Variants in SFRP2 observed in about 807,000 individuals in gnomAD.
SFRP2 encodes the protein secreted frizzled-related protein 2.
Under a neutral mutation model 26.0 loss-of-function variants are expected in SFRP2, and 16 were observed. The ratio of observed to expected loss-of-function variants is 0.61; its 90% CI spans 0.42 to 0.93. The LOEUF (loss-of-function observed/expected upper bound fraction) is 0.93. SFRP2 is among the 40% of genes least tolerant of loss of function. SFRP2 has a pLI of 0.00. For missense variants in SFRP2, 343 were observed against 392.4 expected, an observed-to-expected ratio of 0.87 and a Z score of 1.06; for synonymous variants, 173 against 167.3, an observed-to-expected ratio of 1.03 and a Z score of -0.26.
rs774907975 is a variant in SFRP2 at position 153,788,863 on chromosome 4, A to T, written c.-28T>A. On this transcript the variant is annotated 5_prime_UTR_variant, in exon 1 of 3. Transcript: ENST00000274063. ...TGGGCGCGCGACCCCGAGGGGGCAG[A>T]GGGAGCGGAGCCGGGGAAGGGCGAG... 3 of 1,547,596 alleles carry T rather than the reference A, an allele frequency of 1.9e-6. No individual in the cohort carries two copies. The highest frequency in any genetic ancestry group is 2.6e-6 in the Non-Finnish European group (3 of 1,153,976).
At chr4:153,786,444 T>C (rs1741210743) in intron 1 of SFRP2, among the ~76,000 whole-genome samples, 1 of 152,062 alleles carries the variant, frequency 6.6e-6, no homozygotes, top group Non-Finnish European at 1.5e-5. Context: ...ACCAGTGTAG[T>C]TGGCTCTACT....
chr4:153,788,823 G>T lies in SFRP2; in HGVS notation c.13C>A (p.Pro5Thr). MLQG[P>T]GSLLLLFLAS... The stretch of plus-strand genomic sequence containing the variant: ...AGGAAGAGCAGCAGCAGCGAGCCAG[G>T]GCCCTGCAGCATCGTGGGCGCGCGA... The change falls in exon 1 of 3, where the codon CCT (proline) becomes ACT (threonine). Residue 5 changes from proline to threonine, a missense_variant. Pro to Thr is a conservative substitution (Grantham distance 38). Coordinates refer to ENST00000274063, the MANE Select transcript of SFRP2 (RefSeq NM_003013.3). The T allele has an allele frequency of 6.3e-7, 1 of 1,596,070 alleles. No individual in the cohort carries two copies. Among genetic ancestry groups the T allele is most frequent in the Non-Finnish European group, 8.5e-7 (1 of 1,176,988 alleles).
chr4:153,781,694 C>T lies in SFRP2; in HGVS notation c.645G>A (p.Glu215=). 1 of 1,614,098 alleles carries T rather than the reference C, an allele frequency of 6.2e-7. No homozygotes were observed. Residue 215 remains glutamate, a synonymous_variant, in exon 3 of 3, where the codon GAG becomes GAA. Coordinates refer to ENST00000274063, the MANE Select transcript of SFRP2 (RefSeq NM_003013.3). Reference sequence around the variant, plus strand: ...GCTTGTAAATGGTCTTGCTCTTGGTCTCCAGGATGATTTTGGTATCTCGGT... The same window carrying T: ...GCTTGTAAATGGTCTTGCTCTTGGTTTCCAGGATGATTTTGGTATCTCGGT... ...YINRDTKIIL[E]TKSKTIYKLN... is the part of the protein sequence containing the mutation.
chr4:153,784,842 A>C (rs1741176188), intron 2 of SFRP2, among the ~76,000 whole-genome samples: 1 of 152,216 alleles, frequency 6.6e-6, no homozygotes, highest in African/African-American at 2.4e-5. Flanking sequence ...TAATTCCAAC[A>C]CACCAAAAGG....
At position 153,781,279 on chromosome 4, in the gene SFRP2, T is replaced by A; in HGVS notation, c.*172A>T. ...AAAACAGCTATCCACTCCTGTGGCC[T>A]TATAACTCAGGAAATGCTGGGGATG... is the stretch of plus-strand genomic sequence containing the variant. On this transcript the variant is annotated 3_prime_UTR_variant, in exon 3 of 3. Coordinates refer to ENST00000274063, the MANE Select transcript of SFRP2 (RefSeq NM_003013.3). 1 of 615,094 alleles carries A rather than the reference T, an allele frequency of 1.6e-6. No homozygotes were observed. The highest frequency in any genetic ancestry group is 1.8e-5 in the African/African-American group (1 of 54,382). 38.1% of individuals were successfully genotyped at this position (615,094 alleles called of 1,614,324 possible).
At chr4:153,783,873 AAG>A (rs1741159189) in intron 2 of SFRP2, among the ~76,000 whole-genome samples, 2 of 152,198 alleles carry the variant, frequency 1.3e-5, no homozygotes, top group Admixed American at 6.5e-5. Context: ...ATGGGTCAAA[AAG>A]AGTGAAGAAA....
In SFRP2 at chr4:153,781,775, G is replaced by C. The variant is rs201939231; in HGVS notation, c.584-20C>G. 60 of 1,603,562 alleles carry C rather than the reference G, an allele frequency of 3.7e-5. No individual in the cohort carries two copies. Among genetic ancestry groups the C allele is most frequent in the East Asian group, 8.9e-5 (4 of 44,800 alleles). ...TCAGTGCTATGAGGGAGGGCAGAAA[G>C]AGTCATGCCAGTTATAATGAGGGAA... On this transcript the variant is annotated intron_variant, in intron 2 of 2. Coordinates refer to ENST00000274063, the MANE Select transcript of SFRP2 (RefSeq NM_003013.3).
chr4:153,783,298 T>C (rs528916536), intron 2 of SFRP2, among the ~76,000 whole-genome samples: 26 of 152,326 alleles, frequency 1.7e-4, no homozygotes, highest in Non-Finnish European at 3.1e-4. Flanking sequence ...TTGTCTGTAG[T>C]ACAGGTAGGG....
chr4:153,785,554 C>CAAAAAAAAAAA lies in SFRP2; in HGVS notation c.583+299_583+309dup, dbSNP rs369450385. ...TAGAACTCGGGATTATGCCTGTCGG[C>CAAAAAAAAAAA]AAAAAAAAAAAAAAAAAAAAAGGGA... On this transcript the variant is annotated intron_variant, in intron 2 of 2. Coordinates refer to ENST00000274063, the MANE Select transcript of SFRP2 (RefSeq NM_003013.3). Among the ~76,000 whole-genome samples the CAAAAAAAAAAA allele has an allele frequency of 1.1e-4, 5 of 46,468 alleles. 1 individual carries two copies. The highest frequency in any genetic ancestry group is 1.5e-4 in the Non-Finnish European group (4 of 25,866). 30.5% of individuals were successfully genotyped at this position (46,468 alleles called of 152,430 possible).
In SFRP2 at chr4:153,788,816, G is replaced by C. The variant is rs762120819; in HGVS notation, c.20C>G (p.Ser7Trp). 5 of 1,598,984 alleles carry C rather than the reference G, an allele frequency of 3.1e-6. No individual in the cohort carries two copies. The highest frequency in any genetic ancestry group is 2.2e-5 in the East Asian group (1 of 44,750). The change falls in exon 1 of 3, where the codon TCG (serine) becomes TGG (tryptophan). Residue 7 changes from serine (S) to tryptophan (W), a missense_variant. Physicochemically the swap from Ser to Trp is radical, Grantham distance 177. Transcript: ENST00000274063. MLQGPG[S>W]LLLLFLASHC... ...CGAGGCGAGGAAGAGCAGCAGCAGC[G>C]AGCCAGGGCCCTGCAGCATCGTGGG...
chr4:153,789,030 G>A lies in SFRP2; in HGVS notation c.-195C>T, dbSNP rs931227779. 6 of 542,018 alleles carry A rather than the reference G, an allele frequency of 1.1e-5. No individual in the cohort carries two copies. The highest frequency in any genetic ancestry group is 1.0e-4 in the African/African-American group (5 of 48,594). The allele number at this position is 542,018 out of a possible 1,614,324, so 33.6% of individuals were successfully genotyped here. ...CGCGGGCGAGGCGCTGCAAGCCCGC[G>A]CGCAGCTCCGGGGGGCTCCGACCCG... is the stretch of plus-strand genomic sequence containing the variant. On this transcript the variant is annotated 5_prime_UTR_variant, in exon 1 of 3. Transcript: ENST00000274063.
At chr4:153,787,381 A>G (rs562986187) in intron 1 of SFRP2, among the ~76,000 whole-genome samples, 1 of 152,236 alleles carries the variant, frequency 6.6e-6, no homozygotes, top group Non-Finnish European at 1.5e-5. Flanking sequence ...GCTTTAACTA[A>G]TGATGTCTGT....
intron 2 of SFRP2, among the ~76,000 whole-genome samples, chr4:153,785,590 G>A (rs1741191427): frequency 1.1e-5 from 1 of 89,418 alleles, no homozygotes; most frequent in African/African-American, 4.1e-5. Context: ...TTTAAAATGT[G>A]CCACTGGAAA....
intron 2 of SFRP2, among the ~76,000 whole-genome samples, chr4:153,782,415 G>A (rs927033467): frequency 2.6e-5 from 4 of 152,140 alleles, no homozygotes; most frequent in African/African-American, 9.7e-5. Context: ...CCAGTCCAAG[G>A]CCAAGGCGTT....
chr4:153,783,573 C>T (rs1321068013), intron 2 of SFRP2, among the ~76,000 whole-genome samples: 1 of 152,120 alleles, frequency 6.6e-6, no homozygotes, highest in Admixed American at 6.5e-5. Flanking sequence ...TGATCGCAGG[C>T]AGAGGTGATG....
intron 1 of SFRP2, among the ~76,000 whole-genome samples, chr4:153,787,095 G>C (rs1371853380): frequency 6.6e-6 from 1 of 152,148 alleles, no homozygotes; most frequent in African/African-American, 2.4e-5. Flanking sequence ...AGAAATGTAA[G>C]ATGCGTAATG....
chr4:153,781,565 C>G lies in SFRP2; in HGVS notation c.774G>C (p.Leu258=). The G allele has an allele frequency of 6.2e-7, 1 of 1,614,190 alleles. No homozygotes were observed. Among genetic ancestry groups the G allele is most frequent in the Admixed American group, 1.7e-5 (1 of 60,030 alleles). ...CCCCACCCTGTTTCTGTCCCATGAC[C>G]AGATAGGGCGCGTTGATGTCGTTCA... ...EEMNDINAPY[L]VMGQKQGGEL... Residue 258 remains leucine, a synonymous_variant, in exon 3 of 3, where the codon CTG becomes CTC. Coordinates refer to ENST00000274063, the MANE Select transcript of SFRP2 (RefSeq NM_003013.3).
rs1359816732 is a variant in SFRP2 at position 153,781,326 on chromosome 4, G to T, written c.*125C>A. On this transcript the variant is annotated 3_prime_UTR_variant, in exon 3 of 3. Coordinates refer to ENST00000274063, the MANE Select transcript of SFRP2 (RefSeq NM_003013.3). ...GATGCAAACGTGCAAAAGGCAGGGGGAAGCTGCCCAGGCTGAGACTGGAGC... is the reference window on the plus strand; with the variant it reads ...GATGCAAACGTGCAAAAGGCAGGGGTAAGCTGCCCAGGCTGAGACTGGAGC... 1 of 844,010 alleles carries T rather than the reference G, an allele frequency of 1.2e-6. No individual in the cohort carries two copies. Among genetic ancestry groups the T allele is most frequent in the African/African-American group, 1.7e-5 (1 of 59,280 alleles). The allele number at this position is 844,010 out of a possible 1,614,324, so 52.3% of individuals were successfully genotyped here.
chr4:153,787,859 T>C (rs1415457528), intron 1 of SFRP2, among the ~76,000 whole-genome samples: 2 of 152,198 alleles, frequency 1.3e-5, no homozygotes, highest in Non-Finnish European at 2.9e-5. Flanking sequence ...ACAGGAAATG[T>C]TCCTGTGACT....
Sources: gnomAD v4.1 joint callset for allele counts (sites outside exome capture counted in the v4.1 genomes callset) on GRCh38, gnomAD v4.1.1 for gene constraint, MANE v1.5 for transcripts, NCBI Gene and HGNC (gene_info 2026-07-23, HGNC 2026-07-21) for gene names.